The following KHDRBS3 variants were observed in gnomAD, a reference collection of about 807,000 sequenced individuals.
The protein encoded by KHDRBS3 is KH domain-containing, RNA-binding, signal transduction-associated protein 3.
Under a neutral mutation model 45.6 loss-of-function variants are expected in KHDRBS3, and 23 were observed. The observed-to-expected ratio is 0.50, with a 90% CI of 0.36 to 0.72. The LOEUF is 0.72. Ranked by LOEUF, KHDRBS3 falls within the 30% of genes least tolerant of loss-of-function variation. KHDRBS3 has a pLI of 0.00. For missense variants in KHDRBS3, 352 were observed against 424.8 expected (o/e 0.83, Z 1.51); for synonymous variants, 162 against 156.5 (o/e 1.04, Z -0.26).
chr8:135,515,025 A>G (rs1307054877), intron 1 of KHDRBS3, among the ~76,000 whole-genome samples: 1 of 152,162 alleles, frequency 6.6e-6, no homozygotes, highest in East Asian at 1.9e-4. Context: ...TGGTGAGCTC[A>G]GATGGATATT....
At chr8:135,559,155 T>C (rs17265400) in intron 5 of KHDRBS3, among the ~76,000 whole-genome samples, 4 of 151,734 alleles carry the variant, frequency 2.6e-5, no homozygotes, top group African/African-American at 9.7e-5. Flanking sequence ...TGTAACTAGA[T>C]AAGGTAACCT....
At chr8:135,569,494 T>C (rs1827594036) in intron 5 of KHDRBS3, among the ~76,000 whole-genome samples, 2 of 152,216 alleles carry the variant, frequency 1.3e-5, no homozygotes, top group South Asian at 4.1e-4. Context: ...CCAGGAGTTT[T>C]TCTAAGTTTG....
chr8:135,602,328 A>T (rs1829253704), intron 6 of KHDRBS3, among the ~76,000 whole-genome samples: 1 of 152,228 alleles, frequency 6.6e-6, no homozygotes. Flanking sequence ...TAATGGAAGT[A>T]CAAAATATTC....
At chr8:135,513,779 C>T (rs1824429542) in intron 1 of KHDRBS3, among the ~76,000 whole-genome samples, 1 of 152,086 alleles carries the variant, frequency 6.6e-6, no homozygotes, top group Non-Finnish European at 1.5e-5. Flanking sequence ...TAGGGTATAA[C>T]CATGCAGGAC....
chr8:135,498,214 G>GGAT (rs1323924410), intron 1 of KHDRBS3, among the ~76,000 whole-genome samples: 1 of 152,134 alleles, frequency 6.6e-6, no homozygotes, highest in Admixed American at 6.5e-5. Flanking sequence ...CTTTCCTTGG[G>GGAT]GATTCTTTTG....
At chr8:135,586,821 T>G (rs530985139) in intron 6 of KHDRBS3, among the ~76,000 whole-genome samples, 1 of 152,340 alleles carries the variant, frequency 6.6e-6, no homozygotes, top group South Asian at 2.1e-4. Context: ...CTGAGGCCAT[T>G]ATTTCCAGAA....
At chr8:135,501,676 C>G (rs1054247180) in intron 1 of KHDRBS3, among the ~76,000 whole-genome samples, 1 of 150,144 alleles carries the variant, frequency 6.7e-6, no homozygotes, top group Admixed American at 6.6e-5. Context: ...TTTTTTTTTT[C>G]TCTAGCTCGC....
At chr8:135,655,261 G>T (rs534968977) in intron 4 of KHDRBS3, among the ~76,000 whole-genome samples, 1 of 152,152 alleles carries the variant, frequency 6.6e-6, no homozygotes, top group Non-Finnish European at 1.5e-5. Flanking sequence ...ACACTGAGAC[G>T]CCCACCGTGT....
chr8:135,533,126 A>T (rs1024917631), intron 2 of KHDRBS3, among the ~76,000 whole-genome samples: 1 of 152,124 alleles, frequency 6.6e-6, no homozygotes, highest in Non-Finnish European at 1.5e-5. Flanking sequence ...GTACTGGGGC[A>T]TACAGCTATT....
intron 6 of KHDRBS3, among the ~76,000 whole-genome samples, chr8:135,587,416 T>C (rs1347525587): frequency 1.3e-5 from 2 of 152,170 alleles, no homozygotes; most frequent in African/African-American, 4.8e-5. Flanking sequence ...AGAATAACTC[T>C]CAAACAAGAT....
intron 6 of KHDRBS3, among the ~76,000 whole-genome samples, chr8:135,582,430 C>T (rs891260181): frequency 6.6e-6 from 1 of 152,178 alleles, no homozygotes; most frequent in African/African-American, 2.4e-5. Flanking sequence ...TAATTGCCTG[C>T]GTATACCAAG....
chr8:135,565,918 G>A (rs2130865808), intron 5 of KHDRBS3, among the ~76,000 whole-genome samples: 1 of 152,270 alleles, frequency 6.6e-6, no homozygotes, highest in South Asian at 2.1e-4. Context: ...GTAACTTCAA[G>A]TAATTGCTTT....
intron 7 of KHDRBS3, 131 bp from the exon 8 acceptor site, chr8:135,644,928 G>A (rs1342180849): frequency 1.5e-5 from 13 of 888,576 alleles, no homozygotes; most frequent in Non-Finnish European, 1.9e-5. Context: ...CTGTGATCTC[G>A]GTGGGAATTT....
intron 6 of KHDRBS3, among the ~76,000 whole-genome samples, chr8:135,600,176 A>G (rs1399929488): frequency 2.0e-5 from 3 of 152,196 alleles, no homozygotes; most frequent in Non-Finnish European, 4.4e-5. Context: ...TTTATTGGTT[A>G]ATCTTCCCCT....
At chr8:135,618,707 A>T (rs1343522220) in intron 7 of KHDRBS3, among the ~76,000 whole-genome samples, 1 of 152,220 alleles carries the variant, frequency 6.6e-6, no homozygotes, top group Non-Finnish European at 1.5e-5. Context: ...ATATTAAACA[A>T]GATAGAGTGA....
At chr8:135,480,734 A>T (rs1353008673) in intron 1 of KHDRBS3, among the ~76,000 whole-genome samples, 2 of 152,202 alleles carry the variant, frequency 1.3e-5, no homozygotes, top group Non-Finnish European at 2.9e-5. Flanking sequence ...AATTTTCTTC[A>T]TTCTCCATAT....
chr8:135,496,663 A>G lies in KHDRBS3; in HGVS notation c.89-24574A>G, dbSNP rs574111433. ...TGGCAGTTTCTTAACTTAAATTTCC[A>G]TGTCCTGATGTATATATTTTATTTA... On this transcript the variant is annotated intron_variant, in intron 1 of 8. Coordinates refer to ENST00000355849, the MANE Select transcript of KHDRBS3 (RefSeq NM_006558.3). Among the ~76,000 whole-genome samples the G allele has an allele frequency of 5.3e-4, 80 of 152,256 alleles. 1 individual carries two copies. In the South Asian group the frequency reaches 0.016, roughly 31 times the overall value.
At chr8:135,625,191 C>T in intron 7 of KHDRBS3, 6 of 1,395,376 alleles carry the variant, frequency 4.3e-6, no homozygotes, top group Non-Finnish European at 6.1e-6. Context: ...GCTGTTAATA[C>T]TCTTCTTGCT....
At chr8:135,495,836 G>A (rs780078210) in intron 1 of KHDRBS3, among the ~76,000 whole-genome samples, 1 of 152,260 alleles carries the variant, frequency 6.6e-6, no homozygotes, top group South Asian at 2.1e-4. Context: ...AGGAAGAGCC[G>A]ATCTTGGCCT....
Sources: allele counts gnomAD v4.1 joint callset (sites outside exome capture counted in the v4.1 genomes callset), GRCh38; gene constraint gnomAD v4.1.1; transcripts MANE v1.5; gene names NCBI Gene and HGNC (gene_info 2026-07-23, HGNC 2026-07-21).